GREB1L: variants seen among roughly 807,000 people sequenced by gnomAD.
GREB1L encodes GREB1-like protein.
A neutral mutation model predicts 200.8 loss-of-function variants in GREB1L; 17 were observed. The observed-to-expected ratio is 0.08, with a 90% CI of 0.06 to 0.13. GREB1L has a LOEUF of 0.13. GREB1L is among the 10% of genes least tolerant of loss of function. The pLI is 1.00. For synonymous variants in GREB1L, 789 were observed against 893.0 expected, an observed-to-expected ratio of 0.88 and a Z score of 2.08; for missense variants, 1,657 against 2,367.7, an observed-to-expected ratio of 0.70 and a Z score of 6.23.
At chr18:21,457,283 AAATC>A (rs1477541277) in intron 15 of GREB1L, among the ~76,000 whole-genome samples, 1 of 152,220 alleles carries the variant, frequency 6.6e-6, no homozygotes, top group Non-Finnish European at 1.5e-5. Context: ...AGAAAAAAAA[AAATC>A]ATTGTAATAG....
chr18:21,472,023 A>G (rs543520709), intron 15 of GREB1L, among the ~76,000 whole-genome samples: 20 of 152,358 alleles, frequency 1.3e-4, no homozygotes, highest in East Asian at 9.6e-4. Flanking sequence ...TTGGGTGGGA[A>G]TTGAAAACAA....
rs1195546096 is a variant in GREB1L, at chr18:21,524,439, T to TA, written c.*1624dup. The TA allele has an allele frequency of 1.3e-5, 2 of 152,208 alleles. No homozygotes were observed. The highest frequency in any genetic ancestry group is 4.8e-5 in the African/African-American group (2 of 41,448). 9.4% of individuals were successfully genotyped at this position (152,208 alleles called of 1,614,324 possible). A position where few individuals can be genotyped will look rare whatever the true frequency, so the allele number is the denominator to read the frequency against. ...AAGAGGACCTGCCTTATATATGCTT[T>TA]AAAAAATACTCCTTAATTTTAGTAC... On this transcript the variant is annotated 3_prime_UTR_variant, in exon 33 of 33. Coordinates refer to ENST00000424526, the MANE Select transcript of GREB1L (RefSeq NM_001142966.3).
chr18:21,412,299 C>T (rs2031142649), intron 7 of GREB1L, among the ~76,000 whole-genome samples: 1 of 151,926 alleles, frequency 6.6e-6, no homozygotes, highest in Admixed American at 6.6e-5. Flanking sequence ...TGTAGTCCCA[C>T]TTATTTGGGG....
intron 9 of GREB1L, among the ~76,000 whole-genome samples, chr18:21,440,871 C>A (rs532060875): frequency 1.3e-5 from 2 of 152,188 alleles, no homozygotes; most frequent in Non-Finnish European, 2.9e-5. Context: ...GAACAAACCA[C>A]AGACAATTGT....
chr18:21,328,095 T>C lies in GREB1L; in HGVS notation c.-119-37932T>C, dbSNP rs1332461101. On this transcript the variant is annotated intron_variant, in intron 1 of 32. Coordinates refer to ENST00000424526, the MANE Select transcript of GREB1L (RefSeq NM_001142966.3). ...AAAGCTACACCTACTTCTGCCTGTT[T>C]CTTTATGAAGAATGTCTTCAGCTTC... Among the ~76,000 whole-genome samples, 3 of 152,162 alleles carry C rather than the reference T, an allele frequency of 2.0e-5. No individual in the cohort carries two copies. The East Asian group carries it at 5.8e-4, about 29-fold the overall frequency.
chr18:21,269,727 GTTA>G (rs2038048646), intron 1 of GREB1L, among the ~76,000 whole-genome samples: 1 of 152,118 alleles, frequency 6.6e-6, no homozygotes, highest in Non-Finnish European at 1.5e-5. Flanking sequence ...AAAAGAATAT[GTTA>G]TTAATACTTT....
At chr18:21,333,192 G>A (rs1408313403) in intron 1 of GREB1L, among the ~76,000 whole-genome samples, 1 of 152,108 alleles carries the variant, frequency 6.6e-6, no homozygotes, top group East Asian at 1.9e-4. Flanking sequence ...GTGCCTGGAA[G>A]GATGTATTAC....
rs563964794 is a variant in GREB1L, at chr18:21,498,056, A to G, written c.3391+1358A>G. ...AGGCTGGTCTCGATCCCATGACCTC[A>G]GGTGATCCACCCGCCTCAGCCTCCC... On this transcript the variant is annotated intron_variant, in intron 21 of 32. Transcript: ENST00000424526. Among the ~76,000 whole-genome samples, 10 of 152,158 alleles carry G rather than the reference A, an allele frequency of 6.6e-5. No individual in the cohort carries two copies. The South Asian group carries it at 2.1e-3, about 32-fold the overall frequency.
At chr18:21,266,826 G>T (rs2037976327) in intron 1 of GREB1L, among the ~76,000 whole-genome samples, 1 of 152,146 alleles carries the variant, frequency 6.6e-6, no homozygotes, top group Admixed American at 6.5e-5. Context: ...TTTGAGGAAA[G>T]GTTGAGTTAG....
chr18:21,334,205 G>A (rs551790565), intron 1 of GREB1L, among the ~76,000 whole-genome samples: 5 of 152,120 alleles, frequency 3.3e-5, no homozygotes, highest in East Asian at 1.9e-4. Flanking sequence ...TGTAGGGTCC[G>A]ATTCAGATTT....
rs987007475 is a variant in GREB1L at position 21,523,755 on chromosome 18, G to C, written c.*934G>C. ...AGTTTGTTTCCTTTCAGGGACTCAA[G>C]CAAAGCTTCCTTTAAAAGATGCACT... On this transcript the variant is annotated 3_prime_UTR_variant, in exon 33 of 33. Transcript: ENST00000424526. 1 of 152,180 alleles carries C rather than the reference G, an allele frequency of 6.6e-6. No homozygotes were observed. The highest frequency in any genetic ancestry group is 2.4e-5 in the African/African-American group (1 of 41,442). 9.4% of individuals were successfully genotyped at this position (152,180 alleles called of 1,614,324 possible).
intron 23 of GREB1L, among the ~76,000 whole-genome samples, chr18:21,502,678 A>G (rs2145966417): frequency 6.6e-6 from 1 of 152,116 alleles, no homozygotes; most frequent in East Asian, 1.9e-4. Context: ...GCTGCACTAG[A>G]TCGTCGGGCC....
chr18:21,298,651 A>T (rs1047556888), intron 1 of GREB1L, among the ~76,000 whole-genome samples: 5 of 152,172 alleles, frequency 3.3e-5, no homozygotes, highest in African/African-American at 7.2e-5. Context: ...TGCCATATAC[A>T]TTTGTGTTTT....
At chr18:21,507,219 T>G (rs1164793382) in intron 25 of GREB1L, among the ~76,000 whole-genome samples, 1 of 152,212 alleles carries the variant, frequency 6.6e-6, no homozygotes, top group Non-Finnish European at 1.5e-5. Flanking sequence ...AGTCCCCTGG[T>G]CTACAGATTA....
intron 7 of GREB1L, among the ~76,000 whole-genome samples, chr18:21,435,293 A>G (rs1403339041): frequency 6.6e-6 from 1 of 152,200 alleles, no homozygotes; most frequent in Non-Finnish European, 1.5e-5. Flanking sequence ...TGTTACTTGG[A>G]AGTGACATAA....
intron 1 of GREB1L, among the ~76,000 whole-genome samples, chr18:21,274,916 A>G (rs1036890188): frequency 6.6e-6 from 1 of 151,726 alleles, no homozygotes; most frequent in African/African-American, 2.4e-5. Flanking sequence ...AATTTAAAAA[A>G]TTTTAAAATA....
chr18:21,481,437 G>A (rs1253011535), intron 17 of GREB1L, among the ~76,000 whole-genome samples: 5 of 117,384 alleles, frequency 4.3e-5, no homozygotes, highest in East Asian at 2.7e-4. Context: ...CAGTATATAT[G>A]TATGTGTGTG....
At chr18:21,519,331 C>T (rs962130830) in intron 31 of GREB1L, among the ~76,000 whole-genome samples, 9 of 151,996 alleles carry the variant, frequency 5.9e-5, no homozygotes, top group Admixed American at 4.6e-4. Context: ...GGTGTGATGG[C>T]GCACGCCTGT....
At chr18:21,371,464 C>G (rs1473501817) in intron 2 of GREB1L, among the ~76,000 whole-genome samples, 1 of 141,706 alleles carries the variant, frequency 7.1e-6, no homozygotes, top group African/African-American at 3.0e-5. Context: ...CACAATGATA[C>G]AATTTTTTTT....
Sources: allele counts gnomAD v4.1 joint callset (sites outside exome capture counted in the v4.1 genomes callset), GRCh38; gene constraint gnomAD v4.1.1; transcripts MANE v1.5; gene names NCBI Gene and HGNC (gene_info 2026-07-23, HGNC 2026-07-21).